Variants in TRPA1 observed in about 807,000 individuals in gnomAD.
The protein encoded by TRPA1 is ankyrin-like with transmembrane domains 1.
Under a neutral mutation model 131.3 loss-of-function variants are expected in TRPA1, and 129 were observed. The observed-to-expected ratio is 0.98, with a 90% CI of 0.85 to 1.14. The LOEUF (loss-of-function observed/expected upper bound fraction) is 1.14, where lower values mean the gene tolerates loss of function less well. Among genes scored for constraint, TRPA1 ranks in the 50% most tolerant of loss-of-function variants. The probability of loss-of-function intolerance (pLI) is 0.00; values close to 1 mark genes in which losing one functional copy is unlikely to be tolerated. For missense variants in TRPA1, 1,304 were observed against 1,354.2 expected, an observed-to-expected ratio of 0.96 and a Z score of 0.58; for synonymous variants, 441 against 451.7, an observed-to-expected ratio of 0.98 and a Z score of 0.30.
At chr8:72,048,989 A>G (rs1215212821) in intron 15 of TRPA1, among the ~76,000 whole-genome samples, 1 of 152,200 alleles carries the variant, frequency 6.6e-6, no homozygotes, top group Non-Finnish European at 1.5e-5. Flanking sequence ...CAACAACTGT[A>G]ACTACAGAAT....
At chr8:72,041,698 G>A (rs1812256917) in intron 17 of TRPA1, among the ~76,000 whole-genome samples, 2 of 151,636 alleles carry the variant, frequency 1.3e-5, no homozygotes, top group African/African-American at 4.8e-5. Flanking sequence ...AAATGCATGA[G>A]GTACAACTAA....
chr8:72,022,677 G>A lies in TRPA1; in HGVS notation c.*229C>T. On this transcript the variant is annotated 3_prime_UTR_variant, in exon 27 of 27. Transcript: ENST00000262209. ...AATAATGAGATTATATCTCATCAAA[G>A]TCCAGTCCAATTTGAACATATCTGC... The A allele has an allele frequency of 1.7e-6, 1 of 593,228 alleles. No individual in the cohort carries two copies. Among genetic ancestry groups the A allele is most frequent in the East Asian group, 2.9e-5 (1 of 34,776 alleles). 36.7% of individuals were successfully genotyped at this position (593,228 alleles called of 1,614,324 possible). A position where few individuals can be genotyped will look rare whatever the true frequency, so the allele number is the denominator to read the frequency against.
intron 13 of TRPA1, chr8:72,053,545 T>G (rs760345097): frequency 1.7e-6 from 1 of 585,264 alleles, no homozygotes; most frequent in Non-Finnish European, 3.1e-6. Context: ...ACTGGAGGTT[T>G]CCCCAACATT....
Position 72,052,726 on chromosome 8 carries a change from T to C in TRPA1, c.1684A>G (p.Lys562Glu). 1 of 1,613,700 alleles carries C rather than the reference T, an allele frequency of 6.2e-7. No homozygotes were observed. Among genetic ancestry groups the C allele is most frequent in the South Asian group, 1.1e-5 (1 of 91,068 alleles). The change falls in exon 14 of 27, where the codon AAA becomes GAA. Residue 562 changes from lysine (K) to glutamate (E), a missense_variant. Physicochemically the swap from Lys to Glu is moderately conservative, Grantham distance 56 (BLOSUM62 1). Coordinates refer to ENST00000262209, the MANE Select transcript of TRPA1 (RefSeq NM_007332.3). ...TGGCTCAGAAGAAGCGCAACGGCTT[T>C]GGCGTGGCCTTCCCTTGCAGCAAAG... is the stretch of plus-strand genomic sequence containing the variant. ...LHFAAREGHA[K>E]AVALLLSHNA...
the TRPA1 span, among the ~76,000 whole-genome samples, chr8:72,081,193 G>A: frequency 1.3e-5 from 2 of 151,746 alleles, no homozygotes. Flanking sequence ...TACAGTAGCT[G>A]CATTTCATAA....
intron 24 of TRPA1, among the ~76,000 whole-genome samples, chr8:72,026,696 A>G (rs1264814597): frequency 6.6e-6 from 1 of 152,176 alleles, no homozygotes; most frequent in Non-Finnish European, 1.5e-5. Flanking sequence ...AGCAAATGAG[A>G]TATTTCCTCA....
intron 23 of TRPA1, among the ~76,000 whole-genome samples, chr8:72,032,737 C>T (rs1020890471): frequency 7.2e-5 from 11 of 152,196 alleles, no homozygotes; most frequent in African/African-American, 2.2e-4. Context: ...TATTGCCATC[C>T]TTTCTTTTTC....
chr8:72,062,995 G>A, intron 5 of TRPA1, 51 bp from the exon 6 acceptor site: 1 of 1,535,280 alleles, frequency 6.5e-7, no homozygotes, highest in East Asian at 2.4e-5. Context: ...ATAAATAATA[G>A]GGAGGTTTTT....
intron 13 of TRPA1, chr8:72,053,007 AAGAGAGAGAGAGAG>A (rs57169742): frequency 2.4e-4 from 56 of 232,026 alleles, no homozygotes; most frequent in Admixed American, 1.1e-3. Flanking sequence ...GAGATAGAGA[AAGAGAGAGAGAGAG>A]AGAGAGAGAG....
Position 72,059,375 on chromosome 8 carries a change from A to G in TRPA1, c.993+15T>C. The stretch of plus-strand genomic sequence containing the variant: ...TAAATAGTAATAAAAATAAACCAGT[A>G]AAAGGAATAGTTACCACTGAAATTA... On this transcript the variant is annotated intron_variant, in intron 8 of 26. Coordinates refer to ENST00000262209, the MANE Select transcript of TRPA1 (RefSeq NM_007332.3). 1 of 1,512,688 alleles carries G rather than the reference A, an allele frequency of 6.6e-7. No individual in the cohort carries two copies. Among genetic ancestry groups the G allele is most frequent in the Non-Finnish European group, 9.1e-7 (1 of 1,098,492 alleles). 93.7% of individuals were successfully genotyped at this position (1,512,688 alleles called of 1,614,324 possible).
At chr8:72,063,620 G>A (rs943412059) in intron 4 of TRPA1, 49 bp from the exon 5 acceptor site, 18 of 1,281,524 alleles carry the variant, frequency 1.4e-5, no homozygotes, top group East Asian at 2.3e-5. Flanking sequence ...ACCCCAAATC[G>A]CAAGGGTGGA....
Position 72,075,334 on chromosome 8 carries a change from G to T in TRPA1, c.76C>A (p.Pro26Thr). The stretch of plus-strand genomic sequence containing the variant: ...TCCTTGAAATCCTCCGTGTCGTCCG[G>T]CACATCCTCATAGACAACGCCCTGG... ...EPQGVVYEDVPDDTEDFKESL... is the reference protein window; with the variant it reads ...EPQGVVYEDVTDDTEDFKESL... The change falls in exon 1 of 27, where the codon CCG becomes ACG. Residue 26 changes from proline to threonine, a missense_variant. Physicochemically the swap from Pro to Thr is conservative, Grantham distance 38. Transcript: ENST00000262209. 6.2e-7 allele frequency: 1 copy of T among 1,613,266 alleles called. No individual in the cohort carries two copies. The highest frequency in any genetic ancestry group is 8.5e-7 in the Non-Finnish European group (1 of 1,179,774).
intron 17 of TRPA1, among the ~76,000 whole-genome samples, chr8:72,043,387 TTCA>T (rs1474340618): frequency 6.6e-6 from 1 of 151,932 alleles, no homozygotes; most frequent in African/African-American, 2.4e-5. Flanking sequence ...TATATAAAGA[TTCA>T]TCAAGAACAT....
At chr8:72,041,252 C>T (rs1812241356) in intron 17 of TRPA1, 1 of 151,994 alleles carries the variant, frequency 6.6e-6, no homozygotes, top group Non-Finnish European at 1.5e-5. Flanking sequence ...TAAACAGCAA[C>T]ACAATAATGG....
chr8:72,033,586 T>C (rs1811913840), intron 23 of TRPA1, 58 bp downstream of exon 23: 2 of 1,473,740 alleles, frequency 1.4e-6, no homozygotes, highest in Admixed American at 3.5e-5. Flanking sequence ...AAAATGATTA[T>C]CATTATAAAA....
intron 3 of TRPA1, among the ~76,000 whole-genome samples, chr8:72,065,950 G>A (rs1805921812): frequency 6.6e-6 from 1 of 152,132 alleles, no homozygotes; most frequent in Non-Finnish European, 1.5e-5. Flanking sequence ...GGGAAGAGAG[G>A]TAGGGAAGAA....
At chr8:72,068,944 T>G (rs1045876961) in intron 3 of TRPA1, 79 bp downstream of exon 3, 5 of 1,489,714 alleles carry the variant, frequency 3.4e-6, no homozygotes, top group Non-Finnish European at 3.7e-6. Context: ...CTCATCCTGG[T>G]GCAAGCAGAG....
intron 25 of TRPA1, among the ~76,000 whole-genome samples, chr8:72,025,204 C>G (rs981126812): frequency 2.6e-5 from 4 of 151,916 alleles, no homozygotes; most frequent in Non-Finnish European, 5.9e-5. Flanking sequence ...ATAATCCCCA[C>G]GTGTCAAGGG....
At chr8:72,070,226 G>A (rs941801952) in intron 2 of TRPA1, among the ~76,000 whole-genome samples, 5 of 152,240 alleles carry the variant, frequency 3.3e-5, no homozygotes, top group Admixed American at 2.6e-4. Flanking sequence ...ACGGTACATG[G>A]TACTTGGAAC....
Sources: gnomAD v4.1 joint callset for allele counts (sites outside exome capture counted in the v4.1 genomes callset) on GRCh38, gnomAD v4.1.1 for gene constraint, MANE v1.5 for transcripts, NCBI Gene and HGNC (gene_info 2026-07-23, HGNC 2026-07-21) for gene names.